The following ABHD1 variants were observed in gnomAD, a reference collection of about 807,000 sequenced individuals.
The protein encoded by ABHD1 is protein ABHD1.
Under a neutral mutation model 41.4 loss-of-function variants are expected in ABHD1, and 47 were observed. That is an observed-to-expected ratio of 1.13 (90% confidence interval 0.90 to 1.45). The LOEUF (loss-of-function observed/expected upper bound fraction) is 1.45, where lower values mean the gene tolerates loss of function less well. Ranked by LOEUF, ABHD1 falls within the 40% of genes most tolerant of loss-of-function variation. ABHD1 has a pLI of 0.00. For synonymous variants in ABHD1, 205 were observed against 203.7 expected (o/e 1.01, Z -0.05); for missense variants, 550 against 503.4 (o/e 1.09, Z -0.89).
chr2:27,130,423 ACT>A lies in ABHD1; in HGVS notation c.1006+10_1006+11del. The A allele has an allele frequency of 1.2e-6, 2 of 1,613,982 alleles. No individual in the cohort carries two copies. The highest frequency in any genetic ancestry group is 1.7e-6 in the Non-Finnish European group (2 of 1,179,926). ...CCCTTCTCCCCCGTCTGTGGTGAGT[ACT>A]CTGATTCAGGACACTTTGGCCCCAA... On this transcript the variant is annotated splice_region_variant and intron_variant, in intron 8 of 8. Coordinates refer to ENST00000316470, the MANE Select transcript of ABHD1 (RefSeq NM_032604.4).
intron 1 of ABHD1, among the ~76,000 whole-genome samples, chr2:27,127,318 G>C (rs1672001215): frequency 1.4e-5 from 2 of 145,688 alleles, no homozygotes; most frequent in African/African-American, 2.5e-5. Flanking sequence ...ACTTTGGGAG[G>C]CCGAGGCGGG....
chr2:27,127,553 CAAAAA>C (rs776328433), intron 1 of ABHD1, among the ~76,000 whole-genome samples: 1 of 96,194 alleles, frequency 1.0e-5, no homozygotes, highest in African/African-American at 5.8e-5. Flanking sequence ...GACTCTGTCT[CAAAAA>C]AAAAAAAAAA....
At chr2:27,124,409 C>A in intron 1 of ABHD1, 1 of 377,954 alleles carries the variant, frequency 2.6e-6, no homozygotes, top group Non-Finnish European at 5.2e-6. Flanking sequence ...AAGGAAGGAA[C>A]CAGAGGTCTG....
chr2:27,130,774 T>G lies in ABHD1; in HGVS notation c.*30T>G. On this transcript the variant is annotated 3_prime_UTR_variant, in exon 9 of 9. Transcript: ENST00000316470. ...AGTACCATTTGGGGTCTCAGTTCAC[T>G]CTTTCCTTGTTTATTAAATATCAAC... 1 of 1,599,860 alleles carries G rather than the reference T, an allele frequency of 6.3e-7. No individual in the cohort carries two copies. The highest frequency in any genetic ancestry group is 8.6e-7 in the Non-Finnish European group (1 of 1,167,778).
chr2:27,128,531 T>C lies in ABHD1; in HGVS notation c.205T>C (p.Cys69Arg). The C allele has an allele frequency of 6.2e-7, 1 of 1,613,614 alleles. No individual in the cohort carries two copies. Among genetic ancestry groups the C allele is most frequent in the Non-Finnish European group, 8.5e-7 (1 of 1,179,924 alleles). Residue 69 changes from cysteine (C) to arginine (R), a missense_variant, in exon 2 of 9, where the codon TGT becomes CGT. Cys to Arg is a radical substitution (Grantham distance 180, BLOSUM62 -3). Transcript: ENST00000316470. ...TTETFYPTLW[C>R]FEGRLQSIFQ... is the part of the protein sequence containing the mutation. ...CGAGACTTTCTACCCAACGCTGTGG[T>C]GTTTTGAGGGGCGACTACAAAGCAT...
rs751440887 is a variant in ABHD1 at position 27,129,618 on chromosome 2, T to C, written c.609T>C (p.Ser203=). Residue 203 remains serine, a synonymous_variant, in exon 5 of 9, where the codon TCT becomes TCC. Coordinates refer to ENST00000316470, the MANE Select transcript of ABHD1 (RefSeq NM_032604.4). The part of the protein sequence containing the change: ...PQAPLLAVGI[S]FGGILVLNHL... ...CTCCACTGCTGGCCGTGGGCATCTC[T>C]TTTGGAGGGTAAAGATTGCCTGGGC... The C allele has an allele frequency of 1.4e-5, 23 of 1,612,528 alleles. No individual in the cohort carries two copies. Among genetic ancestry groups the C allele is most frequent in the Middle Eastern group, 3.3e-4 (2 of 6,084 alleles).
Position 27,129,515 on chromosome 2 carries a change from C to A in ABHD1, c.506C>A (p.Thr169Asn). 1.2e-6 allele frequency: 2 copies of A among 1,614,120 alleles called. No individual in the cohort carries two copies. The highest frequency in any genetic ancestry group is 8.5e-7 in the Non-Finnish European group (1 of 1,179,988). ...NRGCRGEELR[T>N]HRAFCASNTE... ...CCCAATGATCTGGTTTGCCCTCAGA[C>A]CCACAGGGCTTTTTGTGCCAGCAAT... Residue 169 changes from threonine (T) to asparagine (N), a missense_variant and splice_region_variant, in exon 5 of 9, where the codon ACC becomes AAC. Coordinates refer to ENST00000316470, the MANE Select transcript of ABHD1 (RefSeq NM_032604.4).
At chr2:27,124,541 G>A in intron 1 of ABHD1, 1 of 306,226 alleles carries the variant, frequency 3.3e-6, no homozygotes, top group Non-Finnish European at 6.4e-6. Flanking sequence ...GACCCCAACT[G>A]TCCTTGCTCA....
Position 27,129,367 on chromosome 2 carries a change from T to G in ABHD1, c.504+6T>G, listed in dbSNP as rs535114011. ...GCCGTGGGGAGGAACTGCGGGTGAG[T>G]AGCTGCCTTCCTCATAGCAGCCCTT... On this transcript the variant is annotated splice_donor_region_variant and intron_variant, in intron 4 of 8. Coordinates refer to ENST00000316470, the MANE Select transcript of ABHD1 (RefSeq NM_032604.4). The G allele has an allele frequency of 4.2e-5, 68 of 1,613,872 alleles. No homozygotes were observed. The highest frequency in any genetic ancestry group is 5.7e-5 in the Non-Finnish European group (67 of 1,180,002).
chr2:27,125,256 C>G (rs574418229), intron 1 of ABHD1: 9 of 152,330 alleles, frequency 5.9e-5, no homozygotes, highest in Admixed American at 5.9e-4. Context: ...AAAACTGCCC[C>G]TAAGGAAACA....
chr2:27,127,214 G>A (rs934446041), intron 1 of ABHD1, among the ~76,000 whole-genome samples: 2 of 146,480 alleles, frequency 1.4e-5, no homozygotes, highest in Non-Finnish European at 3.0e-5. Context: ...TCAGTCTTAG[G>A]AAGAAGACAG....
chr2:27,128,903 G>A (rs775107143), intron 2 of ABHD1, 42 bp from the exon 3 acceptor site: 23 of 1,596,060 alleles, frequency 1.4e-5, no homozygotes, highest in Non-Finnish European at 1.9e-5. Flanking sequence ...ATTACATTAA[G>A]TTCTTAATAG....
In ABHD1 at chr2:27,130,374, C is replaced by A; in HGVS notation, c.964C>A (p.Leu322Ile). 6.2e-7 allele frequency: 1 copy of A among 1,614,196 alleles called. No individual in the cohort carries two copies. The highest frequency in any genetic ancestry group is 8.5e-7 in the Non-Finnish European group (1 of 1,180,044). Residue 322 changes from leucine to isoleucine, a missense_variant, in exon 8 of 9, where the codon CTC becomes ATC. Transcript: ENST00000316470. ...TKIDAIRIPV[L>I]YLSAADDPFS... The stretch of plus-strand genomic sequence containing the variant: ...GATAGATGCCATCCGGATCCCTGTG[C>A]TCTATCTCAGTGCAGCAGATGACCC...
At position 27,127,751 on chromosome 2, in the gene ABHD1, G is replaced by A. The variant is rs1050278356; in HGVS notation, c.115-690G>A. 1.5e-4 allele frequency among the ~76,000 whole-genome samples: 22 copies of A among 151,490 alleles called. No homozygotes were observed. In the South Asian group the frequency reaches 3.3e-3, roughly 23 times the overall value. Reference sequence around the variant, plus strand: ...TAATTTTTGTACTTTTAGTAGAATCGGGGTTTCACCATGTTGGCCAGGATG... The same window carrying A: ...TAATTTTTGTACTTTTAGTAGAATCAGGGTTTCACCATGTTGGCCAGGATG... On this transcript the variant is annotated intron_variant, in intron 1 of 8. Coordinates refer to ENST00000316470, the MANE Select transcript of ABHD1 (RefSeq NM_032604.4).
chr2:27,130,041 G>A (rs1334988338), intron 6 of ABHD1, 64 bp from the exon 7 acceptor site: 2 of 1,611,858 alleles, frequency 1.2e-6, no homozygotes, highest in Admixed American at 1.7e-5. Context: ...GAGATAGTAA[G>A]ACAGGGCCTG....
chr2:27,129,397 C>G (rs373127778), intron 4 of ABHD1, 36 bp downstream of exon 4: 1 of 1,613,740 alleles, frequency 6.2e-7, no homozygotes, highest in Non-Finnish European at 8.5e-7. Context: ...GCCCTTCACC[C>G]ACTCCCTTTA....
chr2:27,129,357 T>C lies in ABHD1; in HGVS notation c.500T>C (p.Leu167Pro). ...FNNRGCRGEE[L>P]RTHRAFCASN... Reference sequence around the variant, plus strand: ...AACCGGGGCTGCCGTGGGGAGGAACTGCGGGTGAGTAGCTGCCTTCCTCAT... The same window carrying C: ...AACCGGGGCTGCCGTGGGGAGGAACCGCGGGTGAGTAGCTGCCTTCCTCAT... The change falls in exon 4 of 9, where the codon CTG becomes CCG. Residue 167 changes from leucine (L) to proline (P), a missense_variant. Coordinates refer to ENST00000316470, the MANE Select transcript of ABHD1 (RefSeq NM_032604.4). 6.2e-7 allele frequency: 1 copy of C among 1,614,166 alleles called. No individual in the cohort carries two copies.
chr2:27,128,426 G>T lies in ABHD1; in HGVS notation c.115-15G>T. 6.2e-7 allele frequency: 1 copy of T among 1,613,686 alleles called. No homozygotes were observed. Among genetic ancestry groups the T allele is most frequent in the Non-Finnish European group, 8.5e-7 (1 of 1,180,006 alleles). On this transcript the variant is annotated splice_polypyrimidine_tract_variant and intron_variant, in intron 1 of 8. Coordinates refer to ENST00000316470, the MANE Select transcript of ABHD1 (RefSeq NM_032604.4). ...AAAAGTCAGGGAAGTGGGGCAGACT[G>T]CTGTGTGATTACAGAGGCCTCGGCT...
rs1386351087 is a variant in ABHD1, at chr2:27,130,617, GGCT to G, written c.1095_1097del (p.Leu366del). The G allele has an allele frequency of 6.2e-7, 1 of 1,614,126 alleles. No individual in the cohort carries two copies. The highest frequency in any genetic ancestry group is 8.5e-7 in the Non-Finnish European group (1 of 1,180,028). On this transcript the variant is annotated inframe_deletion, in exon 9 of 9. Coordinates refer to ENST00000316470, the MANE Select transcript of ABHD1 (RefSeq NM_032604.4). Reference sequence around the variant, plus strand: ...GGTGGCCACATCGGCTTCCTGGAAGGGCTGCTCCCGTGGCAGCACTGGTACATG... The same window carrying G: ...GGTGGCCACATCGGCTTCCTGGAAGGGCTCCCGTGGCAGCACTGGTACATG...
Sources: gnomAD v4.1 joint callset for allele counts (sites outside exome capture counted in the v4.1 genomes callset) on GRCh38, gnomAD v4.1.1 for gene constraint, MANE v1.5 for transcripts, NCBI Gene and HGNC (gene_info 2026-07-23, HGNC 2026-07-21) for gene names.